CNTN4: variants seen among roughly 807,000 people sequenced by gnomAD.
CNTN4 encodes contactin 4.
In CNTN4, 77 loss-of-function variants were observed where a neutral mutation model predicts 122.5. That is an observed-to-expected ratio of 0.63 (90% CI 0.52 to 0.76). The LOEUF is 0.76. CNTN4 is among the 30% of genes least tolerant of loss of function. The pLI is 0.00. For synonymous variants in CNTN4, 512 were observed against 447.0 expected (o/e 1.15, Z -1.83); for missense variants, 1,256 against 1,259.1 (o/e 1.00, Z 0.04).
intron 2 of CNTN4, among the ~76,000 whole-genome samples, chr3:2,235,871 G>A (rs569782167): frequency 5.9e-5 from 9 of 152,150 alleles, no homozygotes; most frequent in African/African-American, 1.9e-4. Context: ...CTAAGTGCTG[G>A]AATACAAATA....
chr3:2,241,030 C>T (rs1575153422), intron 2 of CNTN4, among the ~76,000 whole-genome samples: 1 of 152,186 alleles, frequency 6.6e-6, no homozygotes, highest in African/African-American at 2.4e-5. Flanking sequence ...GGGCGGTTTG[C>T]AGCATGGCAT....
At chr3:2,217,310 C>T (rs761265373) in intron 2 of CNTN4, among the ~76,000 whole-genome samples, 6 of 152,110 alleles carry the variant, frequency 3.9e-5, no homozygotes, top group Non-Finnish European at 8.8e-5. Flanking sequence ...TGACTGGGCT[C>T]CCTGTCTTGT....
chr3:2,550,503 G>C (rs981560175), intron 3 of CNTN4, among the ~76,000 whole-genome samples: 1 of 152,164 alleles, frequency 6.6e-6, no homozygotes, highest in Non-Finnish European at 1.5e-5. Context: ...CTGTTGGTGG[G>C]AGTGCAAACT....
intron 7 of CNTN4, among the ~76,000 whole-genome samples, chr3:2,824,136 G>A (rs1386755915): frequency 6.9e-6 from 1 of 145,036 alleles, no homozygotes; most frequent in Non-Finnish European, 1.5e-5. Context: ...CCATAAATCT[G>A]GGCTAGGGTC....
At chr3:2,969,582 G>C (rs1318175895) in intron 13 of CNTN4, among the ~76,000 whole-genome samples, 1 of 152,048 alleles carries the variant, frequency 6.6e-6, no homozygotes, top group African/African-American at 2.4e-5. Flanking sequence ...CAATACAGTA[G>C]ATGTCCAATC....
intron 3 of CNTN4, among the ~76,000 whole-genome samples, chr3:2,530,431 C>T (rs2149226517): frequency 6.6e-6 from 1 of 151,432 alleles, no homozygotes; most frequent in Middle Eastern, 3.4e-3. Flanking sequence ...GCCTTAGGCT[C>T]CCGGATAGCT....
At chr3:2,631,872 A>AAAAC (rs2082446262) in intron 4 of CNTN4, among the ~76,000 whole-genome samples, 1 of 148,380 alleles carries the variant, frequency 6.7e-6, no homozygotes, top group African/African-American at 2.5e-5. Flanking sequence ...CTACAAAAAA[A>AAAAC]AAAAAACAAA....
chr3:2,961,634 G>C (rs751719859), intron 13 of CNTN4, among the ~76,000 whole-genome samples: 1 of 152,100 alleles, frequency 6.6e-6, no homozygotes, highest in Admixed American at 6.6e-5. Context: ...CTCTGAACCA[G>C]ACCACCTTGT....
chr3:2,299,664 A>G (rs2042434291), intron 2 of CNTN4, among the ~76,000 whole-genome samples: 1 of 152,186 alleles, frequency 6.6e-6, no homozygotes, highest in South Asian at 2.1e-4. Context: ...GGTAAGCTAC[A>G]GTAGATGTAG....
In CNTN4 at chr3:2,385,571, G is replaced by T. The variant is rs1336999092; in HGVS notation, c.-89+46338G>T. Among the ~76,000 whole-genome samples the T allele has an allele frequency of 6.6e-6, 1 of 152,050 alleles. No individual in the cohort carries two copies. The highest frequency in any genetic ancestry group is 6.6e-5 in the Admixed American group (1 of 15,242). On this transcript the variant is annotated intron_variant, in intron 3 of 24. Coordinates refer to ENST00000418658, the MANE Select transcript of CNTN4 (RefSeq NM_175607.3). This position sits in a 1 kb window ranked among gnomAD's most constrained non-coding sequence, Gnocchi z 4.0. ...CAAAATCAGGTGTTGGTAGGGCTGTGCTCCGTCTGTAACCTCTAGGGGAGG... is the reference window on the plus strand; with the variant it reads ...CAAAATCAGGTGTTGGTAGGGCTGTTCTCCGTCTGTAACCTCTAGGGGAGG...
chr3:2,725,791 T>C (rs1451984926), intron 4 of CNTN4, among the ~76,000 whole-genome samples: 2 of 152,234 alleles, frequency 1.3e-5, no homozygotes, highest in Non-Finnish European at 2.9e-5. Context: ...AGACCAGTCT[T>C]ACTTGTATGT....
At chr3:2,129,807 C>T (rs982885381) in intron 2 of CNTN4, among the ~76,000 whole-genome samples, 2 of 151,784 alleles carry the variant, frequency 1.3e-5, no homozygotes, top group African/African-American at 4.8e-5. Context: ...CATAAAAATA[C>T]ATAGTATATA....
At chr3:2,336,475 A>G (rs139614257) in intron 2 of CNTN4, among the ~76,000 whole-genome samples, 1 of 152,128 alleles carries the variant, frequency 6.6e-6, no homozygotes, top group African/African-American at 2.4e-5. Context: ...ACTTATTTGT[A>G]TTCATTGCTC....
chr3:2,895,560 C>T (rs2094099155), intron 10 of CNTN4, among the ~76,000 whole-genome samples: 1 of 152,134 alleles, frequency 6.6e-6, no homozygotes. Flanking sequence ...AAGGATTGGC[C>T]TATGGGAGAT....
chr3:3,037,116 G>C, intron 17 of CNTN4, 63 bp from the exon 18 acceptor site: 1 of 1,565,208 alleles, frequency 6.4e-7, no homozygotes, highest in South Asian at 1.1e-5. Flanking sequence ...TCTTCCTAAC[G>C]TAATCTCTGC....
chr3:2,149,719 T>C (rs1373640736), intron 2 of CNTN4, among the ~76,000 whole-genome samples: 2 of 152,204 alleles, frequency 1.3e-5, no homozygotes, highest in East Asian at 3.8e-4. Context: ...TTTGATGCAA[T>C]GACTTTTCCC....
At chr3:2,833,990 C>G (rs960610276) in intron 7 of CNTN4, among the ~76,000 whole-genome samples, 1 of 151,570 alleles carries the variant, frequency 6.6e-6, no homozygotes, top group Non-Finnish European at 1.5e-5. Flanking sequence ...AAGAAAAATA[C>G]AAAAATTTAG....
rs193185428 is a variant in CNTN4, at chr3:2,136,238, G to C, written c.-145+35599G>C. On this transcript the variant is annotated intron_variant, in intron 2 of 24. Transcript: ENST00000418658. Reference sequence around the variant, plus strand: ...TGTAGTTAATTCAAGGAAGACCAGAGTTGAGAGACCTTATATCATTTGTGC... The same window carrying C: ...TGTAGTTAATTCAAGGAAGACCAGACTTGAGAGACCTTATATCATTTGTGC... Among the ~76,000 whole-genome samples the C allele has an allele frequency of 6.6e-5, 10 of 152,362 alleles. No homozygotes were observed. In the East Asian group the frequency reaches 1.7e-3, roughly 26 times the overall value.
chr3:2,382,056 C>G (rs2046044587), intron 3 of CNTN4, among the ~76,000 whole-genome samples: 1 of 152,030 alleles, frequency 6.6e-6, no homozygotes, highest in African/African-American at 2.4e-5. Context: ...AGATTTATGG[C>G]TCTGTGATGT....
Sources: allele counts gnomAD v4.1 joint callset (sites outside exome capture counted in the v4.1 genomes callset), GRCh38; gene constraint gnomAD v4.1.1; non-coding constraint Gnocchi (gnomAD v3.1); transcripts MANE v1.5; gene names NCBI Gene and HGNC (gene_info 2026-07-23, HGNC 2026-07-21).